Variants in FRAS1 observed in about 807,000 individuals in gnomAD.
FRAS1 encodes the protein Fraser extracellular matrix complex subunit 1.
A neutral mutation model predicts 435.2 loss-of-function variants in FRAS1; 290 were observed. The ratio of observed to expected loss-of-function variants is 0.67; its 90% CI spans 0.61 to 0.73. The LOEUF (loss-of-function observed/expected upper bound fraction) is 0.73, where lower values mean the gene tolerates loss of function less well. Among genes scored for constraint, FRAS1 ranks in the 30% least tolerant of loss-of-function variants. FRAS1 has a pLI of 0.00. For missense variants in FRAS1, 4,860 were observed against 5,001.5 expected (o/e 0.97, Z 0.85); for synonymous variants, 1,800 against 1,851.0 (o/e 0.97, Z 0.71).
chr4:78,267,424 T>C lies in FRAS1; in HGVS notation c.973T>C (p.Cys325Arg), dbSNP rs766280600. The C allele has an allele frequency of 1.9e-6, 3 of 1,613,078 alleles. No homozygotes were observed. Among genetic ancestry groups the C allele is most frequent in the Non-Finnish European group, 2.5e-6 (3 of 1,179,552 alleles). ...CQTGECAKVE[C>R]ARDEELIHLD... ...GACTGGAGAGTGTGCCAAAGTGGAG[T>C]GTGCCCGGGTAAGAAGCAGGGGCAT... Residue 325 changes from cysteine to arginine, a missense_variant, in exon 9 of 74, where the codon TGT (cysteine) becomes CGT (arginine). Cys to Arg is a radical substitution (Grantham distance 180). Coordinates refer to ENST00000512123, the MANE Select transcript of FRAS1 (RefSeq NM_025074.7).
chr4:78,465,478 A>G (rs903319832), intron 49 of FRAS1, among the ~76,000 whole-genome samples: 1 of 152,264 alleles, frequency 6.6e-6, no homozygotes, highest in Non-Finnish European at 1.5e-5. Flanking sequence ...TTTAGCAAAG[A>G]CATTATTAAG....
At chr4:78,263,120 G>C (rs1444331931) in intron 6 of FRAS1, among the ~76,000 whole-genome samples, 1 of 152,092 alleles carries the variant, frequency 6.6e-6, no homozygotes, top group Non-Finnish European at 1.5e-5. Context: ...TCAGGTGTAT[G>C]GTAACAACAA....
rs1729033357 is a variant in FRAS1 at position 78,311,765 on chromosome 4, A to G, written c.1678+3556A>G. The stretch of plus-strand genomic sequence containing the variant: ...CTGATTTTTTCTGGTCAAGAGGTGT[A>G]AAGAGTCAACCCATTAAATTTGCCT... On this transcript the variant is annotated intron_variant, in intron 15 of 73. Coordinates refer to ENST00000512123, the MANE Select transcript of FRAS1 (RefSeq NM_025074.7). Among the ~76,000 whole-genome samples, 2 of 152,222 alleles carry G rather than the reference A, an allele frequency of 1.3e-5. 1 individual carries two copies. The highest frequency in any genetic ancestry group is 4.8e-5 in the African/African-American group (2 of 41,456).
chr4:78,162,544 A>T (rs1459337150), intron 2 of FRAS1, among the ~76,000 whole-genome samples: 1 of 152,230 alleles, frequency 6.6e-6, no homozygotes, highest in East Asian at 1.9e-4. Flanking sequence ...GTTACATTTG[A>T]GGAAAATGTC....
chr4:78,318,139 A>T (rs1729352697), intron 17 of FRAS1, among the ~76,000 whole-genome samples: 1 of 152,242 alleles, frequency 6.6e-6, no homozygotes. Flanking sequence ...TACAAGAACA[A>T]TGTATTTGAA....
intron 2 of FRAS1, among the ~76,000 whole-genome samples, chr4:78,191,398 A>G (rs1291368139): frequency 6.6e-6 from 1 of 152,148 alleles, no homozygotes; most frequent in Non-Finnish European, 1.5e-5. Context: ...CCGGCATTTT[A>G]TTGCTCTAGG....
chr4:78,370,538 C>T (rs868633885), intron 23 of FRAS1, among the ~76,000 whole-genome samples: 1 of 152,024 alleles, frequency 6.6e-6, no homozygotes, highest in Non-Finnish European at 1.5e-5. Flanking sequence ...GTTCAGCAGT[C>T]CCCACCATTC....
chr4:78,509,756 C>T (rs1720973444), intron 63 of FRAS1, among the ~76,000 whole-genome samples: 1 of 152,224 alleles, frequency 6.6e-6, no homozygotes, highest in Non-Finnish European at 1.5e-5. Flanking sequence ...AAAGCTGGTT[C>T]TCTTCCAAAA....
chr4:78,074,506 C>A (rs1217560542), intron 2 of FRAS1, among the ~76,000 whole-genome samples: 1 of 152,132 alleles, frequency 6.6e-6, no homozygotes. Flanking sequence ...GTGATTGGAT[C>A]TATGGAGAAT....
chr4:78,112,201 G>C (rs1357183651), intron 2 of FRAS1, among the ~76,000 whole-genome samples: 1 of 152,032 alleles, frequency 6.6e-6, no homozygotes, highest in Non-Finnish European at 1.5e-5. Flanking sequence ...TTTTGTGCTT[G>C]ATAAAAAGTA....
At chr4:78,307,473 C>T (rs1405439150) in intron 14 of FRAS1, among the ~76,000 whole-genome samples, 1 of 152,216 alleles carries the variant, frequency 6.6e-6, no homozygotes, top group Non-Finnish European at 1.5e-5. Flanking sequence ...CTTGCTGCCG[C>T]CTTGCAGTTT....
chr4:78,237,830 T>G (rs1384652129), intron 3 of FRAS1, among the ~76,000 whole-genome samples: 1 of 152,210 alleles, frequency 6.6e-6, no homozygotes, highest in Non-Finnish European at 1.5e-5. Context: ...CAATTTCCAT[T>G]TATTGGGCAT....
At chr4:78,420,912 A>T (rs992382292) in intron 33 of FRAS1, among the ~76,000 whole-genome samples, 3,031 of 87,820 alleles carry the variant, frequency 0.035, 226 homozygotes, top group African/African-American at 0.1. Flanking sequence ...ATATATATAT[A>T]TATATATATT....
chr4:78,060,868 G>A (rs1739731442), intron 1 of FRAS1, among the ~76,000 whole-genome samples: 1 of 151,448 alleles, frequency 6.6e-6, no homozygotes. Flanking sequence ...TTTTTTTGAG[G>A]CACAGTCTTG....
intron 18 of FRAS1, 45 bp downstream of exon 18, chr4:78,319,031 T>C: frequency 6.3e-7 from 1 of 1,582,844 alleles, no homozygotes; most frequent in East Asian, 2.2e-5. Context: ...TGGGCTTATC[T>C]CTTGAGAGAT....
chr4:78,078,660 A>G (rs1740762015), intron 2 of FRAS1, among the ~76,000 whole-genome samples: 1 of 152,110 alleles, frequency 6.6e-6, no homozygotes. Context: ...ATTAAGAACA[A>G]AAAAATTTAA....
chr4:78,396,400 A>T (rs1332202581), intron 29 of FRAS1, among the ~76,000 whole-genome samples: 4 of 152,152 alleles, frequency 2.6e-5, no homozygotes, highest in African/African-American at 7.2e-5. Flanking sequence ...TTCCTTTAGC[A>T]TTTCTTGTAA....
chr4:78,314,237 C>T (rs955307478), intron 15 of FRAS1, among the ~76,000 whole-genome samples: 4 of 152,132 alleles, frequency 2.6e-5, no homozygotes, highest in Non-Finnish European at 4.4e-5. Context: ...CCATACCTCT[C>T]CCACGAGCTC....
chr4:78,287,037 A>G (rs1228597435), intron 14 of FRAS1, among the ~76,000 whole-genome samples: 2 of 152,212 alleles, frequency 1.3e-5, no homozygotes, highest in Non-Finnish European at 2.9e-5. Flanking sequence ...ATTTATGAAG[A>G]AAAGAGGTTT....
Sources: gnomAD v4.1 joint callset for allele counts (sites outside exome capture counted in the v4.1 genomes callset) on GRCh38, gnomAD v4.1.1 for gene constraint, MANE v1.5 for transcripts, NCBI Gene and HGNC (gene_info 2026-07-23, HGNC 2026-07-21) for gene names.